SYK: variants seen among roughly 807,000 people sequenced by gnomAD.
SYK encodes the protein spleen associated tyrosine kinase, also known as tyrosine-protein kinase SYK.
In SYK, 16 loss-of-function variants were observed where a neutral mutation model predicts 77.8. The ratio of observed to expected loss-of-function variants is 0.21; its 90% CI spans 0.14 to 0.31. The LOEUF (loss-of-function observed/expected upper bound fraction) is 0.31, where lower values mean the gene tolerates loss of function less well. SYK is among the 10% of genes least tolerant of loss of function. The pLI is 1.00. For synonymous variants in SYK, 312 were observed against 308.7 expected (o/e 1.01, Z -0.11); for missense variants, 529 against 814.4 (o/e 0.65, Z 4.26).
At chr9:90,871,204 C>T (rs560259231) in intron 7 of SYK, among the ~76,000 whole-genome samples, 1 of 152,294 alleles carries the variant, frequency 6.6e-6, no homozygotes, top group South Asian at 2.1e-4. Flanking sequence ...AGGTAGAAAG[C>T]GAAGGTGGCT....
At chr9:90,873,196 TC>T (rs1233259048) in intron 7 of SYK, among the ~76,000 whole-genome samples, 1 of 152,206 alleles carries the variant, frequency 6.6e-6, no homozygotes, top group East Asian at 1.9e-4. Context: ...TTAGTGTGTG[TC>T]ATAAGATAAG....
At chr9:90,844,946 AT>A (rs71509668) in intron 2 of SYK, among the ~76,000 whole-genome samples, 45,679 of 151,716 alleles carry the variant, frequency 0.3, 7,059 homozygotes, top group South Asian at 0.39. Flanking sequence ...TTTATTTTTT[AT>A]TTTTTTGAGA....
At chr9:90,851,672 C>A (rs1234758483) in intron 3 of SYK, among the ~76,000 whole-genome samples, 1 of 152,140 alleles carries the variant, frequency 6.6e-6, no homozygotes, top group African/African-American at 2.4e-5. Flanking sequence ...AGGAGATCCC[C>A]TGCCCCCAGA....
intron 1 of SYK, among the ~76,000 whole-genome samples, chr9:90,841,224 C>T (rs1380795929): frequency 6.3e-5 from 9 of 143,386 alleles, no homozygotes; most frequent in African/African-American, 2.4e-4. Flanking sequence ...TGTTGTGTGT[C>T]GTGTGTATGT....
chr9:90,814,768 G>C (rs1682070592), intron 1 of SYK, among the ~76,000 whole-genome samples: 1 of 152,046 alleles, frequency 6.6e-6, no homozygotes, highest in African/African-American at 2.4e-5. Context: ...TCTTGTCCAT[G>C]GGGCCCTGGC....
chr9:90,809,274 G>A (rs998572764), intron 1 of SYK, among the ~76,000 whole-genome samples: 4 of 152,236 alleles, frequency 2.6e-5, no homozygotes, highest in Non-Finnish European at 5.9e-5. Context: ...TAAATATGCA[G>A]AGTATCTAAT....
chr9:90,807,580 G>A (rs921435000), intron 1 of SYK, among the ~76,000 whole-genome samples: 6 of 152,156 alleles, frequency 3.9e-5, no homozygotes, highest in East Asian at 1.9e-4. Context: ...TCTCCCAGGC[G>A]GGCTGACTCT....
intron 1 of SYK, among the ~76,000 whole-genome samples, chr9:90,804,778 G>A (rs1311589662): frequency 6.6e-6 from 1 of 152,174 alleles, no homozygotes; most frequent in African/African-American, 2.4e-5. Flanking sequence ...ATTTGAACAG[G>A]TTGGATTTGA....
intron 1 of SYK, among the ~76,000 whole-genome samples, chr9:90,831,927 A>G (rs528118863): frequency 2.0e-5 from 3 of 152,218 alleles, no homozygotes; most frequent in African/African-American, 7.2e-5. Context: ...AAGTGCAAGA[A>G]GGTTGTGATG....
At chr9:90,822,970 G>C (rs1376853414) in intron 1 of SYK, among the ~76,000 whole-genome samples, 1 of 152,238 alleles carries the variant, frequency 6.6e-6, no homozygotes, top group African/African-American at 2.4e-5. Flanking sequence ...CCTGGCATGG[G>C]AGGGAAGAGT....
intron 1 of SYK, among the ~76,000 whole-genome samples, chr9:90,822,492 A>C (rs1587820976): frequency 6.6e-6 from 1 of 152,376 alleles, no homozygotes; most frequent in East Asian, 1.9e-4. Flanking sequence ...ATTATCACAC[A>C]CTTTTCTTAT....
At chr9:90,829,918 T>C (rs552464390) in intron 1 of SYK, among the ~76,000 whole-genome samples, 1 of 152,374 alleles carries the variant, frequency 6.6e-6, no homozygotes, top group South Asian at 2.1e-4. Context: ...AATGTCTATG[T>C]GTTGGTTGAG....
chr9:90,884,250 C>CATACACATACGTGTATATACACACAT (rs1828307725), intron 11 of SYK, among the ~76,000 whole-genome samples: 1 of 36,922 alleles, frequency 2.7e-5, no homozygotes, highest in African/African-American at 1.3e-4. Context: ...TATATATACA[C>CATACACATACGTGTATATACACACAT]ATACACATAC....
chr9:90,836,577 A>G (rs1020490210), intron 1 of SYK, among the ~76,000 whole-genome samples: 2 of 152,224 alleles, frequency 1.3e-5, no homozygotes, highest in African/African-American at 4.8e-5. Context: ...TGAGCTCGAG[A>G]GTTGCAAGTA....
chr9:90,839,288 C>T (rs779522897), intron 1 of SYK, among the ~76,000 whole-genome samples: 12 of 152,164 alleles, frequency 7.9e-5, no homozygotes, highest in Admixed American at 2.0e-4. Flanking sequence ...GTGATTCTGC[C>T]CAAACCATCA....
intron 4 of SYK, 41 bp downstream of exon 4, chr9:90,862,385 G>A (rs1173490231): frequency 8.8e-6 from 14 of 1,593,420 alleles, no homozygotes; most frequent in Non-Finnish European, 1.1e-5. Flanking sequence ...TAGAGTACAG[G>A]GCACGTGGGG....
intron 7 of SYK, among the ~76,000 whole-genome samples, chr9:90,872,000 G>A (rs1322442405): frequency 6.6e-6 from 1 of 152,196 alleles, no homozygotes; most frequent in Non-Finnish European, 1.5e-5. Context: ...GCTAGTGAGA[G>A]TATAAATTAT....
rs1348248757 is a variant in SYK, at chr9:90,845,460, C to T, written c.444C>T (p.Ile148=). 13 of 1,614,054 alleles carry T rather than the reference C, an allele frequency of 8.1e-6. No individual in the cohort carries two copies. Among genetic ancestry groups the T allele is most frequent in the Non-Finnish European group, 9.3e-6 (11 of 1,180,020 alleles). Residue 148 remains isoleucine, a synonymous_variant, in exon 3 of 14, where the codon ATC becomes ATT. Transcript: ENST00000375754. ...LQGQALEQAI[I]SQKPQLEKLI... Reference sequence around the variant, plus strand: ...GTCAGGCTCTGGAGCAGGCCATCATCAGTCAGAAGCCTCAGCTGGAGAAGC... The same window carrying T: ...GTCAGGCTCTGGAGCAGGCCATCATTAGTCAGAAGCCTCAGCTGGAGAAGC...
chr9:90,826,143 T>A (rs1377203179), intron 1 of SYK, among the ~76,000 whole-genome samples: 1 of 152,176 alleles, frequency 6.6e-6, no homozygotes, highest in Non-Finnish European at 1.5e-5. Flanking sequence ...TTGGATGGGT[T>A]GACTATGAGG....
Sources: allele counts gnomAD v4.1 joint callset (sites outside exome capture counted in the v4.1 genomes callset), GRCh38; gene constraint gnomAD v4.1.1; transcripts MANE v1.5; gene names NCBI Gene and HGNC (gene_info 2026-07-23, HGNC 2026-07-21).